Variants in CDCA7L observed in about 807,000 individuals in gnomAD.
CDCA7L encodes cell division cycle associated 7 like.
In CDCA7L, 44 loss-of-function variants were observed where a neutral mutation model predicts 57.4. The observed-to-expected ratio is 0.77, with a 90% CI of 0.60 to 0.98. The LOEUF (loss-of-function observed/expected upper bound fraction) is 0.98. Ranked by LOEUF, CDCA7L falls within the 50% of genes least tolerant of loss-of-function variation. The pLI, the probability that CDCA7L is intolerant of heterozygous loss-of-function variation, is 0.00. For missense variants in CDCA7L, 644 were observed against 580.6 expected, an observed-to-expected ratio of 1.11 and a Z score of -1.12; for synonymous variants, 236 against 202.8, an observed-to-expected ratio of 1.16 and a Z score of -1.39.
Position 21,906,573 on chromosome 7 carries a change from C to T in CDCA7L, c.748G>A (p.Ala250Thr). 1 of 1,614,082 alleles carries T rather than the reference C, an allele frequency of 6.2e-7. No homozygotes were observed. The highest frequency in any genetic ancestry group is 1.7e-5 in the Admixed American group (1 of 60,016). The change falls in exon 5 of 10, where the codon GCT becomes ACT. Residue 250 changes from alanine (A) to threonine (T), a missense_variant. Coordinates refer to ENST00000406877, the MANE Select transcript of CDCA7L (RefSeq NM_018719.5). Reference sequence around the variant, plus strand: ...TTATAAGGAGTTCTACTTACAGAAGCTGAGGTTGGGGTTCGTACTGGGAAG... The same window carrying T: ...TTATAAGGAGTTCTACTTACAGAAGTTGAGGTTGGGGTTCGTACTGGGAAG... ...DFFPVRTPTSASRKKTVRRAF... is the reference protein window; with the variant it reads ...DFFPVRTPTSTSRKKTVRRAF...
At position 21,901,358 on chromosome 7, in the gene CDCA7L, A is replaced by T; in HGVS notation, c.*964T>A. The stretch of plus-strand genomic sequence containing the variant: ...CATTATTCTAACTTTTTAGTAACTC[A>T]CACGTGCATTCTTTTTTCAACGCTA... On this transcript the variant is annotated 3_prime_UTR_variant, in exon 10 of 10. Coordinates refer to ENST00000406877, the MANE Select transcript of CDCA7L (RefSeq NM_018719.5). The T allele has an allele frequency of 1.5e-6, 2 of 1,369,946 alleles. No homozygotes were observed. The highest frequency in any genetic ancestry group is 1.9e-6 in the Non-Finnish European group (2 of 1,050,572). 84.9% of individuals were successfully genotyped at this position (1,369,946 alleles called of 1,614,324 possible).
chr7:21,937,747 G>A (rs1786217487), intron 1 of CDCA7L, among the ~76,000 whole-genome samples: 2 of 151,990 alleles, frequency 1.3e-5, no homozygotes, highest in Non-Finnish European at 2.9e-5. Context: ...TGGCATAAAG[G>A]CAGACATATA....
intron 3 of CDCA7L, among the ~76,000 whole-genome samples, chr7:21,911,238 G>C (rs7781132): frequency 0.99 from 150,237 of 151,682 alleles, 74,417 homozygotes; most frequent in Middle Eastern, 1. Flanking sequence ...CCATATCGGT[G>C]AGGCTGGTCT....
At chr7:21,914,155 A>G (rs774256301) in intron 2 of CDCA7L, among the ~76,000 whole-genome samples, 1 of 152,238 alleles carries the variant, frequency 6.6e-6, no homozygotes, top group Non-Finnish European at 1.5e-5. Flanking sequence ...CAGACCAGAG[A>G]GCAATGGCCT....
At chr7:21,905,437 A>G (rs1473292450) in intron 7 of CDCA7L, 69 bp downstream of exon 7, 1 of 1,551,182 alleles carries the variant, frequency 6.4e-7, no homozygotes, top group Non-Finnish European at 8.8e-7. Flanking sequence ...ATAGAGTTTA[A>G]AAACAAGTGA....
intron 8 of CDCA7L, among the ~76,000 whole-genome samples, chr7:21,903,525 G>T (rs1002873064): frequency 7.4e-5 from 11 of 148,862 alleles, no homozygotes; most frequent in African/African-American, 2.8e-4. Context: ...TTGTTTGTCT[G>T]TCAGTTGAGG....
intron 1 of CDCA7L, among the ~76,000 whole-genome samples, chr7:21,935,751 G>A (rs1348863921): frequency 1.3e-5 from 2 of 152,344 alleles, no homozygotes; most frequent in African/African-American, 2.4e-5. Context: ...GCTCACGCCT[G>A]TAATCCCAAC....
chr7:21,928,209 G>A (rs1245938170), intron 1 of CDCA7L, among the ~76,000 whole-genome samples: 2 of 152,268 alleles, frequency 1.3e-5, no homozygotes, highest in Middle Eastern at 3.4e-3. Flanking sequence ...TGCAGCAGAG[G>A]GGCCTGACTG....
intron 1 of CDCA7L, among the ~76,000 whole-genome samples, chr7:21,918,945 C>A (rs1447055077): frequency 6.6e-6 from 1 of 152,164 alleles, no homozygotes; most frequent in East Asian, 1.9e-4. Flanking sequence ...CTGATAACAT[C>A]TTGCTCAACA....
chr7:21,902,788 G>GAAGATTCCCT lies in CDCA7L; in HGVS notation c.1334+180_1334+189dup, dbSNP rs1583835928. On this transcript the variant is annotated intron_variant, in intron 9 of 9. Transcript: ENST00000406877. ...TTGAGTTGAAAAATCTAGCAAAGGA[G>GAAGATTCCCT]AAGATTCCCTAATAGGGAAAATATC... 5 of 573,614 alleles carry GAAGATTCCCT rather than the reference G, an allele frequency of 8.7e-6. No individual in the cohort carries two copies. In the East Asian group the frequency reaches 1.5e-4, roughly 17 times the overall value. The allele number at this position is 573,614 out of a possible 1,614,324, so 35.5% of individuals were successfully genotyped here. A position where few individuals can be genotyped will look rare whatever the true frequency, so the allele number is the denominator to read the frequency against.
At chr7:21,902,914 A>C in intron 9 of CDCA7L, 64 bp downstream of exon 9, 1 of 1,527,220 alleles carries the variant, frequency 6.5e-7, no homozygotes, top group Non-Finnish European at 9.0e-7. Context: ...ACTTGCCCAG[A>C]GGGTCTCCTG....
At chr7:21,919,275 G>A (rs1375922352) in intron 1 of CDCA7L, among the ~76,000 whole-genome samples, 2 of 152,114 alleles carry the variant, frequency 1.3e-5, no homozygotes, top group African/African-American at 2.4e-5. Flanking sequence ...ATTATTAAAT[G>A]TGTTATAATC....
intron 1 of CDCA7L, among the ~76,000 whole-genome samples, chr7:21,931,963 C>A (rs1185658077): frequency 6.6e-6 from 1 of 152,220 alleles, no homozygotes; most frequent in Non-Finnish European, 1.5e-5. Context: ...TCAGCAAAGT[C>A]TCTGGATACA....
intron 1 of CDCA7L, among the ~76,000 whole-genome samples, chr7:21,922,654 G>A (rs997460214): frequency 6.6e-6 from 1 of 152,168 alleles, no homozygotes; most frequent in African/African-American, 2.4e-5. Context: ...CTAGTGCCTA[G>A]TAGTAATAGT....
intron 1 of CDCA7L, among the ~76,000 whole-genome samples, chr7:21,930,724 G>C (rs1031862075): frequency 1.3e-5 from 1 of 78,932 alleles, no homozygotes. Context: ...AAAAAAAAAA[G>C]AACTAGAGAC....
At chr7:21,927,924 A>G (rs1456739608) in intron 1 of CDCA7L, among the ~76,000 whole-genome samples, 3 of 152,198 alleles carry the variant, frequency 2.0e-5, no homozygotes, top group Admixed American at 6.5e-5. Flanking sequence ...TGCCAGCTCT[A>G]AAGGAGCAGC....
Position 21,902,103 on chromosome 7 carries a change from G to C in CDCA7L, c.*219C>G. On this transcript the variant is annotated 3_prime_UTR_variant, in exon 10 of 10. Coordinates refer to ENST00000406877, the MANE Select transcript of CDCA7L (RefSeq NM_018719.5). The stretch of plus-strand genomic sequence containing the variant: ...TATTTTTAACAAAGTTCAGCATACA[G>C]ACAGGTCTGTGCATACATCTATATA... 1 of 559,168 alleles carries C rather than the reference G, an allele frequency of 1.8e-6. No individual in the cohort carries two copies. The highest frequency in any genetic ancestry group is 3.2e-6 in the Non-Finnish European group (1 of 311,336). 34.6% of individuals were successfully genotyped at this position (559,168 alleles called of 1,614,324 possible).
At chr7:21,926,679 G>A (rs1785839175) in intron 1 of CDCA7L, among the ~76,000 whole-genome samples, 1 of 151,202 alleles carries the variant, frequency 6.6e-6, no homozygotes, top group Non-Finnish European at 1.5e-5. Context: ...GACCAGCCTG[G>A]GCAATGTAGC....
At chr7:21,910,080 T>A (rs1785268529) in intron 3 of CDCA7L, among the ~76,000 whole-genome samples, 2 of 152,194 alleles carry the variant, frequency 1.3e-5, no homozygotes, top group African/African-American at 4.8e-5. Context: ...TGTAACTACA[T>A]CACACAGTCC....
Sources: gnomAD v4.1 joint callset for allele counts (sites outside exome capture counted in the v4.1 genomes callset) on GRCh38, gnomAD v4.1.1 for gene constraint, MANE v1.5 for transcripts, NCBI Gene and HGNC (gene_info 2026-07-23, HGNC 2026-07-21) for gene names.